ADCY5: variants seen among roughly 807,000 people sequenced by gnomAD.
The protein encoded by ADCY5 is adenylate cyclase type 5.
In ADCY5, 30 loss-of-function variants were observed where a neutral mutation model predicts 119.7. The observed-to-expected ratio is 0.25, with a 90% CI of 0.19 to 0.34. ADCY5 has a LOEUF of 0.34. Among genes scored for constraint, ADCY5 ranks in the 10% least tolerant of loss-of-function variants. ADCY5 has a pLI of 1.00. For missense variants in ADCY5, 1,324 were observed against 1,775.2 expected, an observed-to-expected ratio of 0.75 and a Z score of 4.57; for synonymous variants, 753 against 762.2, an observed-to-expected ratio of 0.99 and a Z score of 0.20.
chr3:123,375,651 G>C (rs1303415438), intron 1 of ADCY5, among the ~76,000 whole-genome samples: 1 of 152,238 alleles, frequency 6.6e-6, no homozygotes, highest in Admixed American at 6.5e-5. Flanking sequence ...AGAGGGACGA[G>C]AGGTCTCCAG....
At chr3:123,360,044 T>C (rs1357970045) in intron 1 of ADCY5, among the ~76,000 whole-genome samples, 5 of 150,234 alleles carry the variant, frequency 3.3e-5, no homozygotes, top group African/African-American at 1.2e-4. Context: ...TGCACCATGC[T>C]CAATTAGGTG....
At chr3:123,318,486 A>G (rs946112981) in intron 10 of ADCY5, among the ~76,000 whole-genome samples, 3 of 152,178 alleles carry the variant, frequency 2.0e-5, no homozygotes, top group Non-Finnish European at 4.4e-5. Context: ...AAGTCGGAAT[A>G]AAACTGCTGT....
At chr3:123,441,908 C>G (rs1945729421) in intron 1 of ADCY5, among the ~76,000 whole-genome samples, 1 of 151,854 alleles carries the variant, frequency 6.6e-6, no homozygotes, top group African/African-American at 2.4e-5. Flanking sequence ...AACTAGAAAC[C>G]CCCAGATTTT....
intron 3 of ADCY5, among the ~76,000 whole-genome samples, chr3:123,344,272 T>C (rs974505026): frequency 6.6e-6 from 1 of 152,202 alleles, no homozygotes; most frequent in African/African-American, 2.4e-5. Context: ...CCTCTCTAAA[T>C]ACTACAACTC....
intron 1 of ADCY5, among the ~76,000 whole-genome samples, chr3:123,387,599 G>C (rs1944264788): frequency 6.6e-6 from 1 of 152,174 alleles, no homozygotes; most frequent in Admixed American, 6.5e-5. Flanking sequence ...CATTCATCCT[G>C]ACCCGGCCCA....
intron 1 of ADCY5, among the ~76,000 whole-genome samples, chr3:123,385,284 G>GACACATACAC (rs1944180575): frequency 7.0e-6 from 1 of 142,006 alleles, no homozygotes; most frequent in Non-Finnish European, 1.5e-5. Context: ...GTCCACTGCA[G>GACACATACAC]ACACACACGC....
chr3:123,284,501 G>A lies in ADCY5; in HGVS notation c.*107C>T, dbSNP rs1263735722. ...AGTCCAAGTGGAAAATCTCAGCAGC[G>A]CAGCCCTGCGGGCTGGAGCATGGCT... On this transcript the variant is annotated 3_prime_UTR_variant, in exon 21 of 21. Coordinates refer to ENST00000462833, the MANE Select transcript of ADCY5 (RefSeq NM_183357.3). 27 of 1,509,118 alleles carry A rather than the reference G, an allele frequency of 1.8e-5. No homozygotes were observed. The highest frequency in any genetic ancestry group is 6.3e-5 in the South Asian group (5 of 79,840). The allele number at this position is 1,509,118 out of a possible 1,614,324, so 93.5% of individuals were successfully genotyped here. A position where few individuals can be genotyped will look rare whatever the true frequency, so the allele number is the denominator to read the frequency against.
chr3:123,403,418 G>A (rs1226910686), intron 1 of ADCY5, among the ~76,000 whole-genome samples: 1 of 149,324 alleles, frequency 6.7e-6, no homozygotes, highest in Non-Finnish European at 1.5e-5. Context: ...CAGATTACAT[G>A]TTTAGAGCCA....
At chr3:123,437,815 C>T (rs895908632) in intron 1 of ADCY5, among the ~76,000 whole-genome samples, 2 of 152,152 alleles carry the variant, frequency 1.3e-5, no homozygotes, top group Non-Finnish European at 2.9e-5. Flanking sequence ...ATTCAAGGGA[C>T]CCCAAGCCCA....
In ADCY5 at chr3:123,382,750, G is replaced by C. The variant is rs76267273; in HGVS notation, c.1135-30169C>G. 4.2e-4 allele frequency among the ~76,000 whole-genome samples: 64 copies of C among 152,242 alleles called. 1 individual carries two copies. In the East Asian group the frequency reaches 0.012, roughly 28 times the overall value. ...AGTAGATTAGAGATGACCAAAGGCT[G>C]GGGGGAGGAAGGAATGGAGTTGGTG... On this transcript the variant is annotated intron_variant, in intron 1 of 20. Coordinates refer to ENST00000462833, the MANE Select transcript of ADCY5 (RefSeq NM_183357.3).
intron 19 of ADCY5, among the ~76,000 whole-genome samples, chr3:123,289,116 T>A (rs536987142): frequency 6.6e-6 from 1 of 152,252 alleles, no homozygotes; most frequent in Non-Finnish European, 1.5e-5. Flanking sequence ...CACTATCACA[T>A]GATTCTTTAA....
chr3:123,378,994 G>C (rs1267587592), intron 1 of ADCY5, among the ~76,000 whole-genome samples: 1 of 152,160 alleles, frequency 6.6e-6, no homozygotes, highest in Admixed American at 6.5e-5. Flanking sequence ...CTGGCCCTGT[G>C]GAAAAGGCCC....
At chr3:123,391,312 C>CT (rs1290320512) in intron 1 of ADCY5, among the ~76,000 whole-genome samples, 2 of 152,008 alleles carry the variant, frequency 1.3e-5, no homozygotes, top group Non-Finnish European at 2.9e-5. Context: ...CAAACCCCCC[C>CT]TTTCCAGCCT....
chr3:123,444,471 G>C lies in ADCY5; in HGVS notation c.1134+2941C>G, dbSNP rs1445629041. 5.3e-5 allele frequency among the ~76,000 whole-genome samples: 8 copies of C among 152,228 alleles called. No homozygotes were observed. The East Asian group carries it at 9.7e-4, about 18-fold the overall frequency. ...GGCAGAGAGAGAGAAGGAGCCGAGG[G>C]GGAGGGTGACAAACACTATGGACAG... is the stretch of plus-strand genomic sequence containing the variant. On this transcript the variant is annotated intron_variant, in intron 1 of 20. Coordinates refer to ENST00000462833, the MANE Select transcript of ADCY5 (RefSeq NM_183357.3).
In ADCY5 at chr3:123,304,195, G is replaced by T; in HGVS notation, c.2443-12C>A. 1 of 1,266,738 alleles carries T rather than the reference G, an allele frequency of 7.9e-7. No homozygotes were observed. Among genetic ancestry groups the T allele is most frequent in the Non-Finnish European group, 1.1e-6 (1 of 877,958 alleles). 78.5% of individuals were successfully genotyped at this position (1,266,738 alleles called of 1,614,324 possible). A position where few individuals can be genotyped will look rare whatever the true frequency, so the allele number is the denominator to read the frequency against. On this transcript the variant is annotated splice_polypyrimidine_tract_variant and intron_variant, in intron 12 of 20. Coordinates refer to ENST00000462833, the MANE Select transcript of ADCY5 (RefSeq NM_183357.3). ...GGGGAGGGGAAGAGCTAGGGTGGGG[G>T]CAGGGGTGGAGAGGGAGGGAGGGAG...
rs1943467921 is a variant in ADCY5, at chr3:123,367,084, CA to C, written c.1135-14504del. On this transcript the variant is annotated intron_variant, in intron 1 of 20. Transcript: ENST00000462833. ...AAGCTACAGCTTTAAGAAGGCCTGTCATACCTGGAAGTCGTACAAAAGTCCC... is the reference window on the plus strand; with the variant it reads ...AAGCTACAGCTTTAAGAAGGCCTGTCTACCTGGAAGTCGTACAAAAGTCCC... Among the ~76,000 whole-genome samples the C allele has an allele frequency of 3.9e-5, 6 of 152,354 alleles. 1 individual carries two copies. In the South Asian group the frequency reaches 1.2e-3, roughly 32 times the overall value.
At chr3:123,435,551 C>T (rs971097178) in intron 1 of ADCY5, among the ~76,000 whole-genome samples, 6 of 152,166 alleles carry the variant, frequency 3.9e-5, no homozygotes, top group African/African-American at 1.4e-4. Flanking sequence ...TCTTTCAGAA[C>T]CTGCATGAGA....
At chr3:123,424,354 T>A (rs6770454) in intron 1 of ADCY5, among the ~76,000 whole-genome samples, 89,263 of 152,094 alleles carry the variant, frequency 0.59, 29,320 homozygotes, top group Non-Finnish European at 0.76. Flanking sequence ...CAAGTTTCCC[T>A]CCTCTACAAG....
At chr3:123,445,703 A>G (rs1945801342) in intron 1 of ADCY5, among the ~76,000 whole-genome samples, 1 of 152,176 alleles carries the variant, frequency 6.6e-6, no homozygotes, top group Admixed American at 6.5e-5. Flanking sequence ...CAGATCTGAA[A>G]AAACTTTTAA....
Sources: allele counts gnomAD v4.1 joint callset (sites outside exome capture counted in the v4.1 genomes callset), GRCh38; gene constraint gnomAD v4.1.1; transcripts MANE v1.5; gene names NCBI Gene and HGNC (gene_info 2026-07-23, HGNC 2026-07-21).